CTNNA2: variants seen among roughly 807,000 people sequenced by gnomAD.
The protein encoded by CTNNA2 is catenin alpha 2.
A neutral mutation model predicts 101.0 loss-of-function variants in CTNNA2; 42 were observed. That is an observed-to-expected ratio of 0.42 (90% CI 0.32 to 0.54). The LOEUF is 0.54. CTNNA2 is among the 20% of genes least tolerant of loss of function. The pLI, the probability that CTNNA2 is intolerant of heterozygous loss-of-function variation, is 0.14. For missense variants in CTNNA2, 871 were observed against 1,223.1 expected (o/e 0.71, Z 4.29); for synonymous variants, 450 against 456.4 (o/e 0.99, Z 0.18).
chr2:80,637,805 A>AGG (rs1673037967), intron 18 of CTNNA2, among the ~76,000 whole-genome samples: 2 of 152,172 alleles, frequency 1.3e-5, no homozygotes, highest in African/African-American at 4.8e-5. Context: ...CTAATTTTCC[A>AGG]GGCATAGTAC....
intron 2 of CTNNA2, among the ~76,000 whole-genome samples, chr2:79,706,606 A>G (rs752918965): frequency 6.6e-6 from 1 of 152,152 alleles, no homozygotes; most frequent in African/African-American, 2.4e-5. Flanking sequence ...ATGTCTCTGA[A>G]AGACCTTCAG....
Position 80,558,042 on chromosome 2 carries a change from C to T in CTNNA2, c.1741+2149C>T, listed in dbSNP as rs533940323. On this transcript the variant is annotated intron_variant, in intron 12 of 18. Transcript: ENST00000402739. ...TTCCTAATTGAATACGGTAGATGAG[C>T]AGGACATTTAAATTCTACTTTTCAG... 1.5e-4 allele frequency among the ~76,000 whole-genome samples: 23 copies of T among 152,158 alleles called. 2 individuals carry two copies. Among genetic ancestry groups the T allele is most frequent in the African/African-American group, 5.5e-4 (23 of 41,512 alleles).
At position 80,494,501 on chromosome 2, in the gene CTNNA2, A is replaced by AT. The variant is rs995320219; in HGVS notation, c.1291-50472dup. Among the ~76,000 whole-genome samples the AT allele has an allele frequency of 5.3e-5, 8 of 151,810 alleles. 1 individual carries two copies. In the South Asian group the frequency reaches 8.4e-4, roughly 16 times the overall value. ...GCATGGTGGGGGGGACTATACATAGATTTTTTTTTCTCTTAATTCAAAAAA... is the reference window on the plus strand; with the variant it reads ...GCATGGTGGGGGGGACTATACATAGATTTTTTTTTTCTCTTAATTCAAAAAA... On this transcript the variant is annotated intron_variant, in intron 9 of 18. Coordinates refer to ENST00000402739, the MANE Select transcript of CTNNA2 (RefSeq NM_001282597.3).
rs185824533 is a variant in CTNNA2, at chr2:80,332,673, G to T, written c.1057-60538G>T. Among the ~76,000 whole-genome samples, 622 of 152,288 alleles carry T rather than the reference G, an allele frequency of 4.1e-3. 2 individuals are homozygous for T. The highest frequency in any genetic ancestry group is 5.6e-3 in the Non-Finnish European group (384 of 68,024). ...GAAATCAAAGCCATTTTAGAAAGAC[G>T]AGTTAGAGAGCAGGCATGGTATGAT... On this transcript the variant is annotated intron_variant, in intron 7 of 18. Transcript: ENST00000402739.
rs888448750 is a variant in CTNNA2, at chr2:80,265,018, A to G, written c.1057-128193A>G. ...GAGGTGGAGTCTTGCTCTGTCACCCACACTGGAGTGCAGTTGTGCAATCTT... is the reference window on the plus strand; with the variant it reads ...GAGGTGGAGTCTTGCTCTGTCACCCGCACTGGAGTGCAGTTGTGCAATCTT... On this transcript the variant is annotated intron_variant, in intron 7 of 18. Coordinates refer to ENST00000402739, the MANE Select transcript of CTNNA2 (RefSeq NM_001282597.3). Among the ~76,000 whole-genome samples the G allele has an allele frequency of 4.0e-5, 6 of 148,288 alleles. No individual in the cohort carries two copies. In the South Asian group the frequency reaches 8.6e-4, roughly 21 times the overall value.
In CTNNA2 at chr2:80,011,360, A is replaced by G. The variant is rs549510597; in HGVS notation, c.1056+101563A>G. ...TATAGAAATATGACAGAAAATAAAG[A>G]GTTGCTCTAGTTGAAGTTGGAGGCT... On this transcript the variant is annotated intron_variant, in intron 7 of 18. Coordinates refer to ENST00000402739, the MANE Select transcript of CTNNA2 (RefSeq NM_001282597.3). Among the ~76,000 whole-genome samples, 18 of 152,274 alleles carry G rather than the reference A, an allele frequency of 1.2e-4. No homozygotes were observed. The East Asian group carries it at 3.1e-3, about 26-fold the overall frequency.
At chr2:79,907,735 A>G (rs1219571050) in intron 6 of CTNNA2, among the ~76,000 whole-genome samples, 1 of 152,266 alleles carries the variant, frequency 6.6e-6, no homozygotes, top group African/African-American at 2.4e-5. Context: ...ATCTTGCCAA[A>G]GCTGGCACAG....
chr2:79,264,435 A>G (rs1431189896), intron 2 of CTNNA2, among the ~76,000 whole-genome samples: 3 of 152,196 alleles, frequency 2.0e-5, no homozygotes, highest in African/African-American at 7.2e-5. Flanking sequence ...TAAAAAGTTA[A>G]TTTTAATAAA....
At chr2:79,909,479 T>G (rs1166231689) in intron 6 of CTNNA2, 115 bp from the exon 7 acceptor site, 4 of 752,028 alleles carry the variant, frequency 5.3e-6, no homozygotes, top group African/African-American at 1.8e-5. Context: ...GTAACCAGTT[T>G]CTCCTCCTTG....
intron 2 of CTNNA2, among the ~76,000 whole-genome samples, chr2:79,664,580 T>A (rs1682262550): frequency 6.6e-6 from 1 of 152,136 alleles, no homozygotes; most frequent in African/African-American, 2.4e-5. Context: ...AATAAGCCAA[T>A]GTGTTGTATA....
chr2:80,261,333 G>A (rs1344663225), intron 7 of CTNNA2, among the ~76,000 whole-genome samples: 1 of 151,988 alleles, frequency 6.6e-6, no homozygotes, highest in African/African-American at 2.4e-5. Context: ...CTTGGTTACA[G>A]AACCCCGTAA....
intron 7 of CTNNA2, among the ~76,000 whole-genome samples, chr2:80,294,674 C>A (rs994460949): frequency 1.3e-5 from 2 of 152,078 alleles, no homozygotes; most frequent in Non-Finnish European, 2.9e-5. Flanking sequence ...ATTCTCCTCA[C>A]CAAGGCCACA....
chr2:79,287,868 G>T (rs571132921), intron 2 of CTNNA2, among the ~76,000 whole-genome samples: 6 of 152,312 alleles, frequency 3.9e-5, no homozygotes, highest in Non-Finnish European at 7.4e-5. Context: ...CTTGCAGTTT[G>T]ATCTCAGACT....
At chr2:79,699,947 C>T (rs900036497) in intron 2 of CTNNA2, among the ~76,000 whole-genome samples, 1 of 148,398 alleles carries the variant, frequency 6.7e-6, no homozygotes, top group East Asian at 2.0e-4. Flanking sequence ...TTACATATCA[C>T]ATATTTTTTA....
At chr2:80,216,974 A>G (rs1355617949) in intron 7 of CTNNA2, among the ~76,000 whole-genome samples, 1 of 151,832 alleles carries the variant, frequency 6.6e-6, no homozygotes, top group Non-Finnish European at 1.5e-5. Flanking sequence ...CGTAGCTGTG[A>G]CTACAGGCGT....
chr2:80,372,937 A>G (rs780264297), intron 7 of CTNNA2, among the ~76,000 whole-genome samples: 4 of 152,222 alleles, frequency 2.6e-5, no homozygotes, highest in African/African-American at 4.8e-5. Flanking sequence ...ATGCTGTTAA[A>G]TATTCTACAA....
At chr2:79,876,804 A>G (rs1447619316) in intron 6 of CTNNA2, among the ~76,000 whole-genome samples, 1 of 152,230 alleles carries the variant, frequency 6.6e-6, no homozygotes, top group Non-Finnish European at 1.5e-5. Context: ...AAGTATGTCA[A>G]CATGTTGAAT....
chr2:79,853,858 G>T (rs1033870202), intron 3 of CTNNA2, among the ~76,000 whole-genome samples: 1 of 151,684 alleles, frequency 6.6e-6, no homozygotes, highest in Non-Finnish European at 1.5e-5. Flanking sequence ...AGAAGAGATG[G>T]GATTTCTCCA....
At chr2:79,240,472 AT>A (rs1331960867) in intron 2 of CTNNA2, among the ~76,000 whole-genome samples, 5 of 152,042 alleles carry the variant, frequency 3.3e-5, no homozygotes, top group African/African-American at 4.8e-5. Context: ...AACATGAGGT[AT>A]TTAGTTTTCT....
Sources: gnomAD v4.1 joint callset for allele counts (sites outside exome capture counted in the v4.1 genomes callset) on GRCh38, gnomAD v4.1.1 for gene constraint, MANE v1.5 for transcripts, NCBI Gene and HGNC (gene_info 2026-07-23, HGNC 2026-07-21) for gene names.